Variants in NT5C3A observed in about 807,000 individuals in gnomAD.
The protein encoded by NT5C3A is 5'-nucleotidase, cytosolic IIIA, also known as cytosolic 5'-nucleotidase 3A.
NT5C3A carries 23 observed loss-of-function variants against 40.0 expected under a neutral mutation model. The ratio of observed to expected loss-of-function variants is 0.58; its 90% CI spans 0.41 to 0.81. NT5C3A has a LOEUF of 0.81. NT5C3A is among the 40% of genes least tolerant of loss of function. The pLI, the probability that NT5C3A is intolerant of heterozygous loss-of-function variation, is 0.00. For synonymous variants in NT5C3A, 130 were observed against 141.4 expected (o/e 0.92, Z 0.57); for missense variants, 328 against 403.0 (o/e 0.81, Z 1.59).
At chr7:33,052,172 C>T (rs1291007410) in intron 1 of NT5C3A, among the ~76,000 whole-genome samples, 1 of 151,936 alleles carries the variant, frequency 6.6e-6, no homozygotes, top group African/African-American at 2.4e-5. Context: ...CCCTTGTCAC[C>T]ATTTCTTGAG....
At chr7:33,017,880 T>C (rs983583833) in intron 6 of NT5C3A, among the ~76,000 whole-genome samples, 5 of 152,322 alleles carry the variant, frequency 3.3e-5, no homozygotes, top group Admixed American at 6.5e-5. Flanking sequence ...TCACAATTTA[T>C]ACCATTTAAA....
intron 1 of NT5C3A, chr7:33,029,269 A>C: frequency 5.9e-6 from 1 of 170,084 alleles, no homozygotes; most frequent in Admixed American, 6.0e-5. Flanking sequence ...ACATTAACCC[A>C]TTCACTCGCC....
chr7:33,028,853 A>G (rs1786090880), intron 1 of NT5C3A, among the ~76,000 whole-genome samples: 1 of 152,332 alleles, frequency 6.6e-6, no homozygotes, highest in Admixed American at 6.5e-5. Flanking sequence ...CAGGAGATCG[A>G]GACCATCCTG....
At chr7:33,060,239 C>T (rs1235296860) in intron 1 of NT5C3A, among the ~76,000 whole-genome samples, 1 of 152,184 alleles carries the variant, frequency 6.6e-6, no homozygotes, top group Admixed American at 6.5e-5. Context: ...AGGCGTGAGC[C>T]ACTGTACCCT....
intron 1 of NT5C3A, among the ~76,000 whole-genome samples, chr7:33,052,916 C>G (rs796548120): frequency 6.6e-6 from 1 of 152,186 alleles, no homozygotes; most frequent in Non-Finnish European, 1.5e-5. Context: ...ATGCCATGGT[C>G]TGGGACCACT....
At chr7:33,051,903 TA>T (rs759954581) in intron 1 of NT5C3A, among the ~76,000 whole-genome samples, 1 of 152,178 alleles carries the variant, frequency 6.6e-6, no homozygotes, top group South Asian at 2.1e-4. Context: ...TTGTTGCTTT[TA>T]AAAAACCGAT....
At chr7:33,033,200 A>T (rs1786380024) in intron 1 of NT5C3A, among the ~76,000 whole-genome samples, 1 of 152,234 alleles carries the variant, frequency 6.6e-6, no homozygotes, top group Non-Finnish European at 1.5e-5. Context: ...ATTTGGTAGC[A>T]ACAAAAGACT....
At chr7:33,059,923 T>C (rs1787711543) in intron 1 of NT5C3A, among the ~76,000 whole-genome samples, 1 of 152,180 alleles carries the variant, frequency 6.6e-6, no homozygotes, top group Non-Finnish European at 1.5e-5. Flanking sequence ...GTCCACCTTA[T>C]CTCATCTTCA....
At chr7:33,033,852 G>A (rs1786422830) in intron 1 of NT5C3A, among the ~76,000 whole-genome samples, 1 of 148,028 alleles carries the variant, frequency 6.8e-6, no homozygotes, top group Non-Finnish European at 1.5e-5. Context: ...AGAATAACAT[G>A]CTATAAAGTT....
intron 1 of NT5C3A, chr7:33,041,132 C>G: frequency 1.0e-6 from 1 of 985,126 alleles, no homozygotes; most frequent in Non-Finnish European, 1.2e-6. Context: ...TAAATCTGTA[C>G]TATTAGAACT....
At chr7:33,056,404 A>G (rs991371470) in intron 1 of NT5C3A, among the ~76,000 whole-genome samples, 9 of 140,498 alleles carry the variant, frequency 6.4e-5, no homozygotes, top group African/African-American at 2.3e-4. Flanking sequence ...TGGGCAGCCA[A>G]GGCAGGAAGA....
At chr7:33,023,156 T>C (rs1583905901) in intron 3 of NT5C3A, among the ~76,000 whole-genome samples, 2 of 152,050 alleles carry the variant, frequency 1.3e-5, no homozygotes, top group African/African-American at 2.4e-5. Context: ...AAGTGATTAT[T>C]CCACCTCCAC....
chr7:33,037,997 C>T (rs1159653195), intron 1 of NT5C3A, among the ~76,000 whole-genome samples: 1 of 151,874 alleles, frequency 6.6e-6, no homozygotes, highest in African/African-American at 2.4e-5. Context: ...TTTTAACAAA[C>T]AAGATATTAT....
intron 1 of NT5C3A, among the ~76,000 whole-genome samples, chr7:33,055,460 A>T (rs1308589772): frequency 6.6e-6 from 1 of 152,216 alleles, no homozygotes; most frequent in Non-Finnish European, 1.5e-5. Context: ...AATGTGCTCA[A>T]TCAGAAAACA....
chr7:33,048,760 G>T (rs990741483), intron 1 of NT5C3A, among the ~76,000 whole-genome samples: 1 of 152,096 alleles, frequency 6.6e-6, no homozygotes, highest in Non-Finnish European at 1.5e-5. Flanking sequence ...AAGTGCTCAG[G>T]TTACAAATTG....
intron 1 of NT5C3A, among the ~76,000 whole-genome samples, chr7:33,053,090 C>T (rs1010977297): frequency 3.3e-5 from 5 of 152,140 alleles, no homozygotes; most frequent in Non-Finnish European, 5.9e-5. Flanking sequence ...ACCTCTTGCC[C>T]GCCAATCAAT....
At chr7:33,039,559 TTTG>T (rs1010188337) in intron 1 of NT5C3A, among the ~76,000 whole-genome samples, 6 of 139,660 alleles carry the variant, frequency 4.3e-5, no homozygotes, top group African/African-American at 1.4e-4. Context: ...GCTTGGGTTT[TTTG>T]TTTTTTTTTT....
chr7:33,026,015 G>T (rs1266168573), intron 2 of NT5C3A, among the ~76,000 whole-genome samples: 1 of 152,166 alleles, frequency 6.6e-6, no homozygotes, highest in Non-Finnish European at 1.5e-5. Context: ...GCGAAACCCT[G>T]TCTCTACTAA....
intron 8 of NT5C3A, 29 bp downstream of exon 8, chr7:33,015,623 TCATCCTAATATTTTCTTC>T: frequency 8.0e-7 from 1 of 1,253,820 alleles, no homozygotes. Flanking sequence ...CTATCAAGTT[TCATCCTAATATTTTCTTC>T]GAAAAAAATT....
Sources: gnomAD v4.1 joint callset for allele counts (sites outside exome capture counted in the v4.1 genomes callset) on GRCh38, gnomAD v4.1.1 for gene constraint, MANE v1.5 for transcripts, NCBI Gene and HGNC (gene_info 2026-07-23, HGNC 2026-07-21) for gene names.